RRAS2: variants seen among roughly 807,000 people sequenced by gnomAD.
RRAS2 encodes ras-related protein R-Ras2.
A neutral mutation model predicts 27.6 loss-of-function variants in RRAS2; 7 were observed. The ratio of observed to expected loss-of-function variants is 0.25; its 90% confidence interval spans 0.14 to 0.48. The LOEUF (loss-of-function observed/expected upper bound fraction) is 0.48, where lower values mean the gene tolerates loss of function less well. Ranked by LOEUF, RRAS2 falls within the 20% of genes least tolerant of loss-of-function variation. The probability of loss-of-function intolerance (pLI) is 0.99; values close to 1 mark genes in which losing one functional copy is unlikely to be tolerated. For synonymous variants in RRAS2, 86 were observed against 90.9 expected (o/e 0.95, Z 0.31); for missense variants, 178 against 256.2 (o/e 0.69, Z 2.08).
intron 1 of RRAS2, among the ~76,000 whole-genome samples, chr11:14,310,517 A>T (rs1847936616): frequency 6.6e-6 from 1 of 152,196 alleles, no homozygotes; most frequent in Non-Finnish European, 1.5e-5. Context: ...CCAAGAGAAG[A>T]AAATAATTTA....
chr11:14,315,881 C>A (rs1416908378), intron 1 of RRAS2, among the ~76,000 whole-genome samples: 1 of 152,118 alleles, frequency 6.6e-6, no homozygotes, highest in African/African-American at 2.4e-5. Flanking sequence ...AAAATTAAAT[C>A]CACATTTTAG....
intron 1 of RRAS2, among the ~76,000 whole-genome samples, chr11:14,352,357 AAGG>A (rs1554954902): frequency 6.6e-6 from 1 of 152,242 alleles, no homozygotes; most frequent in East Asian, 1.9e-4. Context: ...ATAAGACATC[AAGG>A]AGCTCAGTCC....
chr11:14,302,036 T>C (rs1377789324), intron 1 of RRAS2, among the ~76,000 whole-genome samples: 1 of 147,894 alleles, frequency 6.8e-6, no homozygotes, highest in Admixed American at 6.8e-5. Context: ...CATTCCCTTA[T>C]TGGCCTATAA....
intron 1 of RRAS2, among the ~76,000 whole-genome samples, chr11:14,314,934 G>A (rs532844751): frequency 6.6e-5 from 10 of 152,190 alleles, no homozygotes; most frequent in African/African-American, 1.4e-4. Flanking sequence ...TGATCCGCCC[G>A]CCTCAGCCTC....
At chr11:14,300,711 G>C (rs544891712) in intron 1 of RRAS2, among the ~76,000 whole-genome samples, 3 of 152,056 alleles carry the variant, frequency 2.0e-5, no homozygotes, top group African/African-American at 7.2e-5. Flanking sequence ...ACAGGAGCTC[G>C]GGCTGGCCTC....
chr11:14,321,971 AC>A (rs1848233553), intron 1 of RRAS2, among the ~76,000 whole-genome samples: 1 of 152,126 alleles, frequency 6.6e-6, no homozygotes, highest in Non-Finnish European at 1.5e-5. Context: ...AATCCCATCT[AC>A]CTAGCTATAA....
intron 1 of RRAS2, among the ~76,000 whole-genome samples, chr11:14,342,721 T>C (rs1378911334): frequency 1.3e-5 from 2 of 152,226 alleles, no homozygotes; most frequent in African/African-American, 2.4e-5. Context: ...AAATAGAAGA[T>C]GCCTAGTTTC....
rs372849684 is a variant in RRAS2 at position 14,358,198 on chromosome 11, T to C, written c.108+565A>G. ...TATCACACACTCCCACCCGGACATA[T>C]TACCTAAGAGAGTACTTATAAAAAG... On this transcript the variant is annotated intron_variant, in intron 1 of 5. Transcript: ENST00000256196. This position sits in a 1 kb window ranked among gnomAD's most constrained non-coding sequence, Gnocchi z 5.1. The C allele has an allele frequency of 1.7e-5, 17 of 983,698 alleles. No individual in the cohort carries two copies. The African/African-American group carries it at 2.6e-4, about 15-fold the overall frequency. The allele number at this position is 983,698 out of a possible 1,614,324, so 60.9% of individuals were successfully genotyped here. A position where few individuals can be genotyped will look rare whatever the true frequency, so the allele number is the denominator to read the frequency against.
At chr11:14,291,649 A>G (rs982731218) in intron 4 of RRAS2, among the ~76,000 whole-genome samples, 2 of 152,142 alleles carry the variant, frequency 1.3e-5, no homozygotes, top group African/African-American at 4.8e-5. Flanking sequence ...TTGTTCTCTC[A>G]CTTTTTTACC....
At chr11:14,348,719 A>C (rs1848888329) in intron 1 of RRAS2, among the ~76,000 whole-genome samples, 1 of 152,186 alleles carries the variant, frequency 6.6e-6, no homozygotes, top group South Asian at 2.1e-4. Flanking sequence ...TGAGACTACA[A>C]GATGCTCCAA....
chr11:14,299,437 A>G (rs920082981), intron 1 of RRAS2, among the ~76,000 whole-genome samples: 2 of 152,250 alleles, frequency 1.3e-5, no homozygotes, highest in South Asian at 2.1e-4. Flanking sequence ...TTTTGTACAT[A>G]TATGAATTAT....
chr11:14,282,029 C>T (rs995032416), intron 4 of RRAS2, among the ~76,000 whole-genome samples: 2 of 152,214 alleles, frequency 1.3e-5, no homozygotes, highest in South Asian at 2.1e-4. Context: ...AAGTATACAA[C>T]CCTGTCAGGG....
rs1847461064 is a variant in RRAS2, at chr11:14,293,160, T to TATATATATATATATATATATA, written c.408+1310_408+1311insTATATATATATATATATATAT. Reference sequence around the variant, plus strand: ...ATATATATATATATATATATATATATATCATTTTCTCTTAAGTCAGTGTTT... The same window carrying TATATATATATATATATATATA: ...ATATATATATATATATATATATATATATATATATATATATATATATAATCATTTTCTCTTAAGTCAGTGTTT... On this transcript the variant is annotated intron_variant, in intron 4 of 5. Transcript: ENST00000256196. 1.5e-5 allele frequency among the ~76,000 whole-genome samples: 2 copies of TATATATATATATATATATATA among 134,266 alleles called. 1 individual carries two copies. The highest frequency in any genetic ancestry group is 1.5e-4 in the Admixed American group (2 of 13,458). 88.1% of individuals were successfully genotyped at this position (134,266 alleles called of 152,430 possible).
At chr11:14,329,025 ATATACACACACACATATATATG>A (rs1564974020) in intron 1 of RRAS2, among the ~76,000 whole-genome samples, 3 of 145,552 alleles carry the variant, frequency 2.1e-5, no homozygotes, top group African/African-American at 7.7e-5. Flanking sequence ...ATATATATAT[ATATACACACACACATATATATG>A]TATATACACA....
intron 1 of RRAS2, among the ~76,000 whole-genome samples, chr11:14,312,276 C>A (rs781997452): frequency 6.6e-6 from 1 of 152,188 alleles, no homozygotes; most frequent in East Asian, 1.9e-4. Flanking sequence ...GAATAAGACA[C>A]GTCTTGAAAT....
chr11:14,308,866 C>G (rs1348149675), intron 1 of RRAS2, among the ~76,000 whole-genome samples: 1 of 152,164 alleles, frequency 6.6e-6, no homozygotes, highest in South Asian at 2.1e-4. Context: ...CTACATACCC[C>G]GCTTAATTGC....
chr11:14,280,151 A>G (rs534178105), intron 5 of RRAS2, among the ~76,000 whole-genome samples: 3 of 152,300 alleles, frequency 2.0e-5, no homozygotes, highest in South Asian at 2.1e-4. Context: ...CATATAACAT[A>G]AAATTTTCCA....
At chr11:14,352,409 T>C (rs1183271192) in intron 1 of RRAS2, among the ~76,000 whole-genome samples, 2 of 152,224 alleles carry the variant, frequency 1.3e-5, no homozygotes, top group Non-Finnish European at 2.9e-5. Context: ...TTTATATTTC[T>C]TTGCATCTTT....
intron 4 of RRAS2, among the ~76,000 whole-genome samples, chr11:14,285,586 A>T (rs1287635993): frequency 2.6e-5 from 4 of 152,198 alleles, no homozygotes; most frequent in Admixed American, 6.5e-5. Context: ...CTTCTGCCTA[A>T]GGACATCTTT....
Sources: gnomAD v4.1 joint callset for allele counts (sites outside exome capture counted in the v4.1 genomes callset) on GRCh38, gnomAD v4.1.1 for gene constraint, Gnocchi (gnomAD v3.1) non-coding constraint, MANE v1.5 for transcripts, NCBI Gene and HGNC (gene_info 2026-07-23, HGNC 2026-07-21) for gene names.